Variants in EGLN1 observed in about 807,000 individuals in gnomAD.
EGLN1 encodes the protein egl-9 family hypoxia inducible factor 1.
Under a neutral mutation model 38.3 loss-of-function variants are expected in EGLN1, and 17 were observed. The ratio of observed to expected loss-of-function variants is 0.44; its 90% confidence interval spans 0.30 to 0.67. EGLN1 has a LOEUF of 0.67. EGLN1 is among the 30% of genes least tolerant of loss of function. EGLN1 has a pLI of 0.08. For missense variants in EGLN1, 477 were observed against 603.3 expected, an observed-to-expected ratio of 0.79 and a Z score of 2.19; for synonymous variants, 283 against 257.5, an observed-to-expected ratio of 1.10 and a Z score of -0.95.
chr1:231,417,454 G>A (rs1689114076), intron 1 of EGLN1, among the ~76,000 whole-genome samples: 1 of 152,078 alleles, frequency 6.6e-6, no homozygotes, highest in African/African-American at 2.4e-5. Context: ...ATTTTCCCAT[G>A]ATCCTCACTC....
At chr1:231,395,364 G>A (rs191551163) in intron 1 of EGLN1, among the ~76,000 whole-genome samples, 31 of 152,242 alleles carry the variant, frequency 2.0e-4, no homozygotes, top group African/African-American at 4.8e-4. Flanking sequence ...GGTAAACCTC[G>A]GCCAAAAGAA....
intron 1 of EGLN1, among the ~76,000 whole-genome samples, chr1:231,413,694 G>C (rs984603061): frequency 2.6e-5 from 4 of 152,104 alleles, no homozygotes; most frequent in African/African-American, 9.7e-5. Flanking sequence ...GGACACCCTA[G>C]CTCCTAGAAC....
intron 1 of EGLN1, among the ~76,000 whole-genome samples, chr1:231,381,553 T>C (rs1054716443): frequency 1.3e-5 from 2 of 152,198 alleles, no homozygotes; most frequent in Admixed American, 1.3e-4. Flanking sequence ...TTCTAGCCCA[T>C]GATTAAAAAA....
intron 1 of EGLN1, among the ~76,000 whole-genome samples, chr1:231,406,044 T>C (rs1415922425): frequency 7.1e-6 from 1 of 141,690 alleles, no homozygotes; most frequent in Non-Finnish European, 1.5e-5. Flanking sequence ...TTTTTTTTTT[T>C]TTTTAATTCA....
chr1:231,406,215 G>T (rs1411686918), intron 1 of EGLN1, among the ~76,000 whole-genome samples: 2 of 150,570 alleles, frequency 1.3e-5, no homozygotes, highest in African/African-American at 4.9e-5. Flanking sequence ...CAGTTACAAG[G>T]AAAAACAAAA....
intron 1 of EGLN1, among the ~76,000 whole-genome samples, chr1:231,416,275 A>G (rs1217942703): frequency 3.9e-5 from 6 of 152,006 alleles, no homozygotes; most frequent in Non-Finnish European, 7.4e-5. Flanking sequence ...TGGGAATTAC[A>G]GGGGTGAGTT....
chr1:231,403,125 C>T lies in EGLN1; in HGVS notation c.891+17873G>A, dbSNP rs2102927757. Among the ~76,000 whole-genome samples the T allele has an allele frequency of 1.3e-5, 2 of 152,080 alleles. 1 individual carries two copies. Among genetic ancestry groups the T allele is most frequent in the East Asian group, 3.9e-4 (2 of 5,150 alleles). On this transcript the variant is annotated intron_variant, in intron 1 of 4. Transcript: ENST00000366641. ...GAATATACTCTGTATGATTTCAATC[C>T]TTAAGTTATTAAGACCTGCTTTATG...
At position 231,421,767 on chromosome 1, in the gene EGLN1, T is replaced by C. The variant is rs1365297757; in HGVS notation, c.122A>G (p.Tyr41Cys). The change falls in exon 1 of 5, where the codon TAC becomes TGC. Residue 41 changes from tyrosine (Y) to cysteine (C), a missense_variant. This residue lies in a region of EGLN1 where 298 missense variants were observed against 288.9 expected (regional missense o/e 1.03). Transcript: ENST00000366641. This position sits in a 1 kb window ranked among gnomAD's most constrained non-coding sequence, Gnocchi z 5.5. ...LRCSRCRSSF[Y>C]CCKEHQRQDW... Reference sequence around the variant, plus strand: ...CTGACGCTGGTGCTCCTTGCAGCAGTAGAAGGAGCTGCGGCAGCGGCTGCA... The same window carrying C: ...CTGACGCTGGTGCTCCTTGCAGCAGCAGAAGGAGCTGCGGCAGCGGCTGCA... 1.3e-6 allele frequency: 2 copies of C among 1,555,474 alleles called. No homozygotes were observed. Among genetic ancestry groups the C allele is most frequent in the Non-Finnish European group, 1.7e-6 (2 of 1,160,368 alleles).
chr1:231,392,821 G>A (rs554625928), intron 1 of EGLN1, among the ~76,000 whole-genome samples: 1 of 152,310 alleles, frequency 6.6e-6, no homozygotes, highest in Admixed American at 6.5e-5. Flanking sequence ...GTCCACGTGT[G>A]GACAAGCAGC....
intron 1 of EGLN1, among the ~76,000 whole-genome samples, chr1:231,392,889 G>C (rs1057016280): frequency 6.6e-6 from 1 of 152,078 alleles, no homozygotes; most frequent in Admixed American, 6.5e-5. Flanking sequence ...CATTTACTTG[G>C]GAAAGCCTGA....
intron 1 of EGLN1, among the ~76,000 whole-genome samples, chr1:231,406,566 C>T (rs951959941): frequency 6.6e-6 from 1 of 152,034 alleles, no homozygotes; most frequent in African/African-American, 2.4e-5. Context: ...GGAAAAGAAA[C>T]TCAAACCATA....
intron 1 of EGLN1, among the ~76,000 whole-genome samples, chr1:231,390,028 C>T (rs1391659880): frequency 2.0e-5 from 3 of 152,138 alleles, no homozygotes; most frequent in South Asian, 2.1e-4. Context: ...ATGAAGCACA[C>T]GACTCTGCCA....
intron 1 of EGLN1, among the ~76,000 whole-genome samples, chr1:231,404,056 A>G (rs879632932): frequency 5.3e-5 from 8 of 152,118 alleles, no homozygotes; most frequent in Non-Finnish European, 1.2e-4. Context: ...TGTCAACACT[A>G]AAAAAGCTAC....
chr1:231,378,214 T>A (rs1688003654), intron 1 of EGLN1, among the ~76,000 whole-genome samples: 1 of 152,098 alleles, frequency 6.6e-6, no homozygotes, highest in Non-Finnish European at 1.5e-5. Flanking sequence ...CAGCAGTTCA[T>A]GATTATAATT....
intron 1 of EGLN1, among the ~76,000 whole-genome samples, chr1:231,374,871 G>C (rs1572021102): frequency 6.6e-6 from 1 of 152,054 alleles, no homozygotes; most frequent in African/African-American, 2.4e-5. Flanking sequence ...ATTATAACAA[G>C]ATATGGTTCA....
In EGLN1 at chr1:231,384,662, G is replaced by A. The variant is rs1189098367; in HGVS notation, c.892-10563C>T. Among the ~76,000 whole-genome samples, 4 of 152,146 alleles carry A rather than the reference G, an allele frequency of 2.6e-5. No homozygotes were observed. In the East Asian group the frequency reaches 5.8e-4, roughly 22 times the overall value. On this transcript the variant is annotated intron_variant, in intron 1 of 4. Transcript: ENST00000366641. The stretch of plus-strand genomic sequence containing the variant: ...GTCAGACAGGTAAGGGGTTGGGGAC[G>A]CACATCATGGAGGGTTTTAGAGAAC...
chr1:231,386,137 C>T (rs952818695), intron 1 of EGLN1, among the ~76,000 whole-genome samples: 9 of 151,450 alleles, frequency 5.9e-5, no homozygotes, highest in Admixed American at 1.3e-4. Flanking sequence ...TCAATAATAG[C>T]GTAACTCCCT....
At chr1:231,379,866 G>A (rs1470658039) in intron 1 of EGLN1, among the ~76,000 whole-genome samples, 5 of 152,174 alleles carry the variant, frequency 3.3e-5, no homozygotes, top group Non-Finnish European at 7.3e-5. Flanking sequence ...AGAACCTGCT[G>A]TACTGCACAT....
chr1:231,376,858 G>A (rs535151286), intron 1 of EGLN1, among the ~76,000 whole-genome samples: 3 of 152,274 alleles, frequency 2.0e-5, no homozygotes, highest in South Asian at 4.1e-4. Context: ...GTGGCAGAGG[G>A]AAAATGAGTG....
Sources: gnomAD v4.1 joint callset for allele counts (sites outside exome capture counted in the v4.1 genomes callset) on GRCh38, gnomAD v4.1.1 for gene constraint, gnomAD v4.1.1 regional missense constraint, Gnocchi (gnomAD v3.1) non-coding constraint, MANE v1.5 for transcripts, NCBI Gene and HGNC (gene_info 2026-07-23, HGNC 2026-07-21) for gene names.